PPP2R2B: variants seen among roughly 807,000 people sequenced by gnomAD.
PPP2R2B encodes the protein protein phosphatase 2 regulatory subunit Bbeta.
Under a neutral mutation model 46.0 loss-of-function variants are expected in PPP2R2B, and 5 were observed. The ratio of observed to expected loss-of-function variants is 0.11; its 90% CI spans 0.06 to 0.23. The LOEUF (loss-of-function observed/expected upper bound fraction) is 0.23, where lower values mean the gene tolerates loss of function less well. Among genes scored for constraint, PPP2R2B ranks in the 10% least tolerant of loss-of-function variants. PPP2R2B has a pLI of 1.00. For synonymous variants in PPP2R2B, 215 were observed against 206.7 expected, an observed-to-expected ratio of 1.04 and a Z score of -0.34; for missense variants, 367 against 575.0, an observed-to-expected ratio of 0.64 and a Z score of 3.70.
At chr5:146,931,130 C>A (rs2151821962) in intron 1 of PPP2R2B, among the ~76,000 whole-genome samples, 1 of 152,170 alleles carries the variant, frequency 6.6e-6, no homozygotes, top group South Asian at 2.1e-4. Flanking sequence ...CTCTTCTATG[C>A]TCAACTATAG....
chr5:146,927,252 G>A (rs1763812896), intron 1 of PPP2R2B, among the ~76,000 whole-genome samples: 3 of 152,130 alleles, frequency 2.0e-5, no homozygotes, highest in Admixed American at 2.0e-4. Context: ...ATTTTGGGAA[G>A]AGGATTTACC....
intron 2 of PPP2R2B, among the ~76,000 whole-genome samples, chr5:146,805,076 A>G (rs989746560): frequency 2.6e-5 from 4 of 152,156 alleles, no homozygotes; most frequent in African/African-American, 9.7e-5. Flanking sequence ...CTGGGAAGAG[A>G]TTAACTTTAT....
At chr5:147,029,279 A>G (rs1755670208) in intron 1 of PPP2R2B, among the ~76,000 whole-genome samples, 1 of 152,100 alleles carries the variant, frequency 6.6e-6, no homozygotes, top group Non-Finnish European at 1.5e-5. Context: ...TTAGTGTTTT[A>G]TTTTACACAT....
intron 1 of PPP2R2B, among the ~76,000 whole-genome samples, chr5:146,955,613 C>T (rs1489641844): frequency 6.6e-6 from 1 of 151,996 alleles, no homozygotes; most frequent in Non-Finnish European, 1.5e-5. Context: ...GCTCTTCTGA[C>T]TCTTTTTAAC....
rs1398192116 is a variant in PPP2R2B at position 146,587,947 on chromosome 5, G to A, written c.*2000C>T. The A allele has an allele frequency of 3.9e-5, 6 of 152,170 alleles. No homozygotes were observed. The highest frequency in any genetic ancestry group is 1.2e-4 in the African/African-American group (5 of 41,434). 9.4% of individuals were successfully genotyped at this position (152,170 alleles called of 1,614,324 possible). A position where few individuals can be genotyped will look rare whatever the true frequency, so the allele number is the denominator to read the frequency against. On this transcript the variant is annotated 3_prime_UTR_variant, in exon 10 of 10. Transcript: ENST00000394411. The stretch of plus-strand genomic sequence containing the variant: ...TGGTACAGACAGAGGAGCTGAGTCC[G>A]GAGAAGTGGAGAAAAGGCCATAAAG...
intron 5 of PPP2R2B, among the ~76,000 whole-genome samples, chr5:146,664,225 T>C (rs967712519): frequency 6.6e-6 from 1 of 152,222 alleles, no homozygotes; most frequent in African/African-American, 2.4e-5. Context: ...TGTAGCATAT[T>C]ATGGTGTTTG....
chr5:146,671,178 A>T (rs1217042525), intron 5 of PPP2R2B, among the ~76,000 whole-genome samples: 2 of 152,226 alleles, frequency 1.3e-5, no homozygotes, highest in African/African-American at 2.4e-5. Context: ...ACAGAAACAC[A>T]TATCCTAGAC....
intron 1 of PPP2R2B, among the ~76,000 whole-genome samples, chr5:147,010,078 T>A (rs1353669428): frequency 6.6e-6 from 1 of 152,178 alleles, no homozygotes; most frequent in Non-Finnish European, 1.5e-5. Flanking sequence ...AGGGCATTCA[T>A]TTATCTGTCA....
At chr5:146,826,302 C>T (rs1314741565) in intron 2 of PPP2R2B, among the ~76,000 whole-genome samples, 5 of 152,138 alleles carry the variant, frequency 3.3e-5, no homozygotes, top group African/African-American at 1.2e-4. Flanking sequence ...TGCCTACAGC[C>T]TTCTAAATCT....
chr5:146,961,887 G>C (rs1029603062), intron 1 of PPP2R2B, among the ~76,000 whole-genome samples: 1 of 151,820 alleles, frequency 6.6e-6, no homozygotes, highest in Non-Finnish European at 1.5e-5. Context: ...AAAGTGGTCT[G>C]ACTCACTTTA....
chr5:146,706,618 C>T (rs1485653824), intron 2 of PPP2R2B: 4 of 813,648 alleles, frequency 4.9e-6, no homozygotes, highest in Non-Finnish European at 8.5e-6. Context: ...TGCTCCGCAT[C>T]TGCGATGCCG....
chr5:146,989,101 C>G (rs914763812), intron 1 of PPP2R2B, among the ~76,000 whole-genome samples: 8 of 151,936 alleles, frequency 5.3e-5, no homozygotes, highest in African/African-American at 1.9e-4. Flanking sequence ...GAGATAGGCA[C>G]AGTAATAAAA....
chr5:146,643,353 G>A (rs890641024), intron 6 of PPP2R2B, among the ~76,000 whole-genome samples: 1 of 151,262 alleles, frequency 6.6e-6, no homozygotes, highest in East Asian at 2.1e-4. Context: ...GATCCATGGA[G>A]CCTATATTCT....
rs1410281337 is a variant in PPP2R2B at position 147,074,032 on chromosome 5, T to C, written c.50+7027A>G. On this transcript the variant is annotated intron_variant, in intron 2 of 10. Coordinates refer to the PPP2R2B transcript ENST00000394413. ...GCCTGGGCGACATAGTGAGGCTCTG[T>C]CTCAAAAAAAAAAAAAAAGAATTAT... 2.1e-5 allele frequency among the ~76,000 whole-genome samples: 3 copies of C among 144,208 alleles called. No individual in the cohort carries two copies. In the East Asian group the frequency reaches 5.9e-4, roughly 28 times the overall value. 94.6% of individuals were successfully genotyped at this position (144,208 alleles called of 152,430 possible).
At chr5:147,003,700 A>T (rs1442210483) in intron 1 of PPP2R2B, among the ~76,000 whole-genome samples, 2 of 152,288 alleles carry the variant, frequency 1.3e-5, no homozygotes, top group East Asian at 3.9e-4. Context: ...GACTCAGATC[A>T]TGGGGACTGG....
At chr5:146,592,526 A>C (rs1770759386) in intron 9 of PPP2R2B, among the ~76,000 whole-genome samples, 1 of 152,236 alleles carries the variant, frequency 6.6e-6, no homozygotes, top group Non-Finnish European at 1.5e-5. Context: ...GTGATAAATG[A>C]GGTTGACTAG....
chr5:146,706,543 G>A (rs763022892), intron 2 of PPP2R2B: 2 of 1,080,978 alleles, frequency 1.9e-6, no homozygotes, highest in Non-Finnish European at 2.8e-6. Context: ...TACTTGGTCT[G>A]CTGAAGGGCG....
chr5:146,830,621 T>G (rs1269061407), intron 2 of PPP2R2B, among the ~76,000 whole-genome samples: 1 of 151,538 alleles, frequency 6.6e-6, no homozygotes, highest in Admixed American at 6.6e-5. Flanking sequence ...GACTCCCGGG[T>G]TCAAACATTC....
intron 2 of PPP2R2B, among the ~76,000 whole-genome samples, chr5:146,871,432 G>A (rs925678861): frequency 1.5e-4 from 23 of 152,220 alleles, no homozygotes; most frequent in African/African-American, 4.3e-4. Flanking sequence ...GAGTGACATG[G>A]AGAAAGCTAT....
Sources: gnomAD v4.1 joint callset for allele counts (sites outside exome capture counted in the v4.1 genomes callset) on GRCh38, gnomAD v4.1.1 for gene constraint, MANE v1.5 for transcripts, NCBI Gene and HGNC (gene_info 2026-07-23, HGNC 2026-07-21) for gene names.